The following CALN1 variants were observed in gnomAD, a reference collection of about 807,000 sequenced individuals.
The protein encoded by CALN1 is calcium-binding protein 8.
CALN1 carries 17 observed loss-of-function variants against 30.6 expected under a neutral mutation model. The observed-to-expected ratio is 0.56, with a 90% confidence interval of 0.38 to 0.83. CALN1 has a LOEUF of 0.83. Ranked by LOEUF, CALN1 falls within the 40% of genes least tolerant of loss-of-function variation. The pLI is 0.00. For missense variants in CALN1, 291 were observed against 354.9 expected (o/e 0.82, Z 1.45); for synonymous variants, 156 against 131.4 (o/e 1.19, Z -1.28).
intron 2 of CALN1, among the ~76,000 whole-genome samples, chr7:72,363,915 A>G (rs1444816564): frequency 3.3e-5 from 5 of 151,684 alleles, no homozygotes; most frequent in African/African-American, 9.7e-5. Flanking sequence ...TTGTATTTTC[A>G]GTAGAGAAGG....
intron 3 of CALN1, among the ~76,000 whole-genome samples, chr7:72,210,242 TTTCCTGTTC>T (rs145708521): frequency 0.01 from 1,547 of 152,232 alleles, 24 homozygotes; most frequent in African/African-American, 0.035. Flanking sequence ...CAGTTCCATT[TTTCCTGTTC>T]TTCCCCACCC....
At chr7:72,060,708 G>A (rs1047916766) in intron 4 of CALN1, among the ~76,000 whole-genome samples, 2 of 152,234 alleles carry the variant, frequency 1.3e-5, no homozygotes, top group Non-Finnish European at 2.9e-5. Flanking sequence ...TCTCCCCACC[G>A]TGATGCATGG....
chr7:72,035,324 G>A (rs1476413733), intron 4 of CALN1, among the ~76,000 whole-genome samples: 5 of 151,804 alleles, frequency 3.3e-5, no homozygotes, highest in East Asian at 3.9e-4. Flanking sequence ...ACTTTCTCTC[G>A]GATTTTGACT....
At chr7:71,796,633 C>T (rs1227293083) in intron 6 of CALN1, among the ~76,000 whole-genome samples, 3 of 152,156 alleles carry the variant, frequency 2.0e-5, no homozygotes, top group Admixed American at 6.5e-5. Flanking sequence ...GCTGAGATTA[C>T]AGGCGTGAGC....
rs5884869 is a variant in CALN1, at chr7:72,006,574, A to AT, written c.501+17082dup. ...TAGAGAGGGACATCTAAAAAAGTAG[A>AT]TTTTTTTTAAAGAAAAAGGATGAAT... is the stretch of plus-strand genomic sequence containing the variant. On this transcript the variant is annotated intron_variant, in intron 5 of 6. Transcript: ENST00000395275. Among the ~76,000 whole-genome samples the AT allele has an allele frequency of 1.8e-3, 266 of 151,930 alleles. 2 individuals are homozygous for AT. The highest frequency in any genetic ancestry group is 3.1e-3 in the Non-Finnish European group (209 of 67,980).
intron 4 of CALN1, among the ~76,000 whole-genome samples, chr7:72,067,191 T>G (rs552121064): frequency 6.6e-6 from 1 of 152,128 alleles, no homozygotes; most frequent in Non-Finnish European, 1.5e-5. Context: ...GATGGGAAAA[T>G]AGAGGCAGAA....
chr7:72,257,352 T>C (rs922990644), intron 3 of CALN1, among the ~76,000 whole-genome samples: 2 of 152,114 alleles, frequency 1.3e-5, no homozygotes, highest in African/African-American at 2.4e-5. Context: ...ATGAGGACAC[T>C]GAGATGTGTG....
At chr7:71,858,453 A>C (rs2867518) in intron 5 of CALN1, among the ~76,000 whole-genome samples, 72,028 of 151,290 alleles carry the variant, frequency 0.48, 17,789 homozygotes, top group African/African-American at 0.58. Flanking sequence ...CTATGTCAGG[A>C]AAACCTGCCT....
At chr7:72,175,358 C>A (rs1185474914) in intron 3 of CALN1, among the ~76,000 whole-genome samples, 1 of 152,044 alleles carries the variant, frequency 6.6e-6, no homozygotes, top group African/African-American at 2.4e-5. Context: ...TGGGAGTGAG[C>A]CAAATCATTT....
chr7:72,230,013 C>T (rs1473236518), intron 3 of CALN1, among the ~76,000 whole-genome samples: 9 of 150,724 alleles, frequency 6.0e-5, no homozygotes, highest in Non-Finnish European at 8.9e-5. Flanking sequence ...TGGTGGTGGG[C>T]GCCTGTAGTT....
intron 2 of CALN1, among the ~76,000 whole-genome samples, chr7:72,361,304 A>AC (rs1803555592): frequency 6.6e-6 from 1 of 152,020 alleles, no homozygotes; most frequent in Non-Finnish European, 1.5e-5. Context: ...TTTGAATACC[A>AC]CCTACTATGA....
chr7:72,033,342 T>C (rs1334359764), intron 4 of CALN1, among the ~76,000 whole-genome samples: 1 of 152,124 alleles, frequency 6.6e-6, no homozygotes. Flanking sequence ...GTGGGTGGGC[T>C]TCAAAGGGTA....
chr7:71,847,649 G>A (rs971858029), intron 5 of CALN1, among the ~76,000 whole-genome samples: 28 of 149,350 alleles, frequency 1.9e-4, no homozygotes, highest in Middle Eastern at 3.4e-3. Context: ...ACCACTGCAC[G>A]CCAGCCTGGG....
At chr7:72,355,365 A>G (rs771505234) in intron 2 of CALN1, among the ~76,000 whole-genome samples, 3 of 152,124 alleles carry the variant, frequency 2.0e-5, no homozygotes, top group Non-Finnish European at 2.9e-5. Flanking sequence ...ATCTCTACTA[A>G]AAATACAAAA....
the CALN1 span, among the ~76,000 whole-genome samples, chr7:72,500,055 G>A: frequency 6.6e-6 from 1 of 150,752 alleles, no homozygotes. Context: ...GGGATTACAG[G>A]CATGCACCAC....
chr7:72,201,786 A>G (rs1791449597), intron 3 of CALN1, among the ~76,000 whole-genome samples: 1 of 151,360 alleles, frequency 6.6e-6, no homozygotes, highest in South Asian at 2.1e-4. Context: ...AAAGCCAGCT[A>G]GAACCTGGAA....
At chr7:72,007,688 TCAC>T (rs1462561447) in intron 5 of CALN1, among the ~76,000 whole-genome samples, 1 of 152,238 alleles carries the variant, frequency 6.6e-6, no homozygotes, top group African/African-American at 2.4e-5. Context: ...TGTTTATTGA[TCAC>T]CACAACATCT....
At chr7:72,080,023 G>A (rs976516772) in intron 4 of CALN1, among the ~76,000 whole-genome samples, 3 of 151,826 alleles carry the variant, frequency 2.0e-5, no homozygotes, top group East Asian at 1.9e-4. Context: ...TGCTCGCCTC[G>A]GCCTCCCGAA....
At chr7:72,046,807 T>A (rs550153170) in intron 4 of CALN1, among the ~76,000 whole-genome samples, 1 of 150,804 alleles carries the variant, frequency 6.6e-6, no homozygotes, top group East Asian at 2.0e-4. Flanking sequence ...GGCTGAGAAT[T>A]GCATGAGCCC....
Sources: allele counts gnomAD v4.1 joint callset (sites outside exome capture counted in the v4.1 genomes callset), GRCh38; gene constraint gnomAD v4.1.1; transcripts MANE v1.5; gene names NCBI Gene and HGNC (gene_info 2026-07-23, HGNC 2026-07-21).